STK35: variants seen among roughly 807,000 people sequenced by gnomAD.
The protein encoded by STK35 is serine/threonine kinase 35, also known as serine/threonine-protein kinase 35.
Under a neutral mutation model 37.3 loss-of-function variants are expected in STK35, and 17 were observed. The observed-to-expected ratio is 0.46, with a 90% CI of 0.31 to 0.68. The LOEUF is 0.68. Among genes scored for constraint, STK35 ranks in the 30% least tolerant of loss-of-function variants. The pLI is 0.05. For missense variants in STK35, 595 were observed against 746.7 expected (o/e 0.80, Z 2.37); for synonymous variants, 385 against 319.1 (o/e 1.21, Z -2.20).
At chr20:2,119,179 TC>T (rs1459465354) in intron 3 of STK35, among the ~76,000 whole-genome samples, 3 of 152,232 alleles carry the variant, frequency 2.0e-5, no homozygotes, top group Non-Finnish European at 2.9e-5. Flanking sequence ...TAGGTCTAAT[TC>T]TTCAAATCAT....
intron 3 of STK35, among the ~76,000 whole-genome samples, chr20:2,128,926 G>A (rs1379389287): frequency 6.6e-6 from 1 of 152,008 alleles, no homozygotes; most frequent in Non-Finnish European, 1.5e-5. Context: ...CTGGCTTCAC[G>A]CGATTCTCCT....
chr20:2,119,865 A>G (rs1176192266), intron 3 of STK35, among the ~76,000 whole-genome samples: 1 of 152,030 alleles, frequency 6.6e-6, no homozygotes, highest in South Asian at 2.1e-4. Flanking sequence ...GCTCATTCCA[A>G]GTTGAGCTTG....
chr20:2,143,958 CT>C lies in STK35; in HGVS notation c.*224del, dbSNP rs10713601. 19,602 of 167,840 alleles carry C rather than the reference CT, an allele frequency of 0.12. 872 individuals carry two copies. The highest frequency in any genetic ancestry group is 0.3 in the African/African-American group (8,706 of 29,294). 10.4% of individuals were successfully genotyped at this position (167,840 alleles called of 1,614,324 possible). A position where few individuals can be genotyped will look rare whatever the true frequency, so the allele number is the denominator to read the frequency against. ...TGCTTTATTTTTTTCCTTTTCTTTT[CT>C]TTTTTTTTTTTCCTCTTTCCTTTTT... On this transcript the variant is annotated 3_prime_UTR_variant, in exon 4 of 4. Coordinates refer to ENST00000381482, the MANE Select transcript of STK35 (RefSeq NM_080836.4).
At chr20:2,111,513 A>G (rs1568574538) in intron 2 of STK35, among the ~76,000 whole-genome samples, 2 of 152,082 alleles carry the variant, frequency 1.3e-5, no homozygotes, top group South Asian at 4.1e-4. Flanking sequence ...CCCGGGCAAC[A>G]TAAGGAGACC....
chr20:2,116,421 C>T (rs897718154), intron 2 of STK35, among the ~76,000 whole-genome samples: 12 of 152,140 alleles, frequency 7.9e-5, no homozygotes, highest in African/African-American at 2.7e-4. Context: ...AAAAAGGCTT[C>T]GCAGTCAACC....
At chr20:2,131,205 A>AC (rs1392954544) in intron 3 of STK35, among the ~76,000 whole-genome samples, 2 of 152,222 alleles carry the variant, frequency 1.3e-5, no homozygotes, top group South Asian at 2.1e-4. Context: ...CTAGACTGCA[A>AC]ACCTGTACAG....
At chr20:2,107,650 A>G (rs1985541357) in intron 2 of STK35, among the ~76,000 whole-genome samples, 1 of 152,138 alleles carries the variant, frequency 6.6e-6, no homozygotes, top group Non-Finnish European at 1.5e-5. Flanking sequence ...GAGGAACTAT[A>G]ATAGTATAGG....
Position 2,102,108 on chromosome 20 carries a change from C to A in STK35, c.227C>A (p.Ala76Glu). Residue 76 changes from alanine to glutamate, a missense_variant, in exon 1 of 4, where the codon GCG (alanine) becomes GAG (glutamate). By Grantham distance (107) the Ala-to-Glu change is moderately radical (BLOSUM62 -1). Transcript: ENST00000381482. Reference protein sequence around the residue: ...ARSRRQPGPGADHPQAGAPGG... With the variant: ...ARSRRQPGPGEDHPQAGAPGG... ...TCCCGGAGGCAGCCCGGGCCCGGAG[C>A]GGACCATCCCCAGGCAGGGGCTCCA... 6.9e-7 allele frequency: 1 copy of A among 1,450,130 alleles called. No homozygotes were observed. The highest frequency in any genetic ancestry group is 9.1e-7 in the Non-Finnish European group (1 of 1,099,432). 89.8% of individuals were successfully genotyped at this position (1,450,130 alleles called of 1,614,324 possible). A position where few individuals can be genotyped will look rare whatever the true frequency, so the allele number is the denominator to read the frequency against.
intron 3 of STK35, among the ~76,000 whole-genome samples, chr20:2,139,018 C>T (rs567803038): frequency 1.3e-5 from 2 of 152,204 alleles, no homozygotes; most frequent in East Asian, 3.9e-4. Flanking sequence ...AGAGTGAGAC[C>T]CTGTGTCTTA....
At position 2,103,202 on chromosome 20, in the gene STK35, G is replaced by A. The variant is rs1985441648; in HGVS notation, c.729G>A (p.Leu243=). The A allele has an allele frequency of 3.1e-6, 5 of 1,610,862 alleles. No homozygotes were observed. The highest frequency in any genetic ancestry group is 2.7e-5 in the African/African-American group (2 of 74,922). ...GCGACGCCCCCGAGAACGTGGAGCT[G>A]GCGCTGGCTGAATTCTGGGCCCTCA... ...IRCDAPENVE[L]ALAEFWALTS... is the part of the protein sequence containing the mutation. The change falls in exon 2 of 4, where the codon CTG becomes CTA. Residue 243 remains leucine (L), a synonymous_variant. Transcript: ENST00000381482.
intron 3 of STK35, among the ~76,000 whole-genome samples, chr20:2,126,754 TAAATC>T (rs1482240580): frequency 2.0e-5 from 3 of 152,302 alleles, no homozygotes; most frequent in African/African-American, 7.2e-5. Flanking sequence ...AAGTTTAAAA[TAAATC>T]AATACCATAA....
chr20:2,122,801 A>G (rs1568577656), intron 3 of STK35, among the ~76,000 whole-genome samples: 1 of 152,230 alleles, frequency 6.6e-6, no homozygotes, highest in East Asian at 1.9e-4. Context: ...CTCTGAAGAC[A>G]GTGGTCTTTG....
intron 3 of STK35, among the ~76,000 whole-genome samples, chr20:2,129,826 C>T (rs917006388): frequency 2.2e-4 from 34 of 151,886 alleles, no homozygotes; most frequent in African/African-American, 7.7e-4. Context: ...GAGGAGGGAG[C>T]CGGCTGGAGT....
chr20:2,131,471 G>GTT (rs1048460959), intron 3 of STK35, among the ~76,000 whole-genome samples: 2 of 140,368 alleles, frequency 1.4e-5, no homozygotes, highest in African/African-American at 2.8e-5. Flanking sequence ...TTAAAGTTTT[G>GTT]TTTTTTTTTT....
intron 2 of STK35, among the ~76,000 whole-genome samples, chr20:2,105,332 T>G (rs1985493876): frequency 6.6e-6 from 1 of 152,206 alleles, no homozygotes; most frequent in African/African-American, 2.4e-5. Context: ...GGAATTTGCC[T>G]TGCCGAATGT....
intron 2 of STK35, among the ~76,000 whole-genome samples, chr20:2,111,856 T>C (rs934538778): frequency 3.3e-5 from 5 of 152,312 alleles, no homozygotes; most frequent in South Asian, 2.1e-4. Context: ...CACACCCACC[T>C]GCTCCTGTGC....
chr20:2,107,534 A>G (rs1188109612), intron 2 of STK35, among the ~76,000 whole-genome samples: 1 of 152,258 alleles, frequency 6.6e-6, no homozygotes, highest in Admixed American at 6.5e-5. Flanking sequence ...GCATGCCCAC[A>G]TGAACATAAT....
In STK35 at chr20:2,110,981, G is replaced by A. The variant is rs192496176; in HGVS notation, c.893-5685G>A. On this transcript the variant is annotated intron_variant, in intron 2 of 3. Transcript: ENST00000381482. ...AGTCTCCTCACCTGTGAGAGGAAAT[G>A]TAATTATTATCTGAATAGATAGCAG... 2.0e-3 allele frequency among the ~76,000 whole-genome samples: 301 copies of A among 152,360 alleles called. 4 individuals are homozygous for A. The South Asian group carries it at 0.03, about 15-fold the overall frequency.
At chr20:2,123,952 C>T (rs532228060) in intron 3 of STK35, among the ~76,000 whole-genome samples, 38 of 152,242 alleles carry the variant, frequency 2.5e-4, no homozygotes, top group African/African-American at 8.7e-4. Flanking sequence ...GATTCATGGT[C>T]GTCCCTGGGC....
Sources: allele counts gnomAD v4.1 joint callset (sites outside exome capture counted in the v4.1 genomes callset), GRCh38; gene constraint gnomAD v4.1.1; transcripts MANE v1.5; gene names NCBI Gene and HGNC (gene_info 2026-07-23, HGNC 2026-07-21).